EARS2: variants seen among roughly 807,000 people sequenced by gnomAD.
EARS2 encodes the protein glutamyl-tRNA synthetase 2, mitochondrial.
A neutral mutation model predicts 54.1 loss-of-function variants in EARS2; 50 were observed. The ratio of observed to expected loss-of-function variants is 0.92; its 90% confidence interval spans 0.74 to 1.17. EARS2 has a LOEUF of 1.17. Ranked by LOEUF, EARS2 falls within the 50% of genes most tolerant of loss-of-function variation. The pLI, the probability that EARS2 is intolerant of heterozygous loss-of-function variation, is 0.00. For missense variants in EARS2, 673 were observed against 675.0 expected (o/e 1.00, Z 0.03); for synonymous variants, 298 against 281.0 (o/e 1.06, Z -0.61).
At chr16:23,524,539 C>G in intron 8 of EARS2, 85 bp from the exon 9 acceptor site, 1 of 1,172,078 alleles carries the variant, frequency 8.5e-7, no homozygotes. Context: ...AGAAATTATT[C>G]CCAGGCCAGC....
intron 3 of EARS2, among the ~76,000 whole-genome samples, chr16:23,542,138 A>G (rs1025260057): frequency 1.3e-5 from 2 of 150,068 alleles, no homozygotes; most frequent in African/African-American, 4.9e-5. Context: ...GATTACAGGC[A>G]TGAGCCACCA....
rs773151705 is a variant in EARS2, at chr16:23,529,895, A to C, written c.1070T>G (p.Leu357Arg). ...DLEKLPEFNR[L>R]HLQRLVSNES... ...ATTGCTCACCAGCCGCTGGAGGTGC[A>C]GTCTGCGGAAGAAATCAAGGGGCTG... The change falls in exon 6 of 9, where the codon CTG (leucine) becomes CGG (arginine). Residue 357 changes from leucine (L) to arginine (R), a missense_variant and splice_region_variant. Transcript: ENST00000449606. 5.6e-6 allele frequency: 9 copies of C among 1,614,076 alleles called. No individual in the cohort carries two copies. Among genetic ancestry groups the C allele is most frequent in the Non-Finnish European group, 7.6e-6 (9 of 1,180,002 alleles).
In EARS2 at chr16:23,525,934, G is replaced by A. The variant is rs1414034472; in HGVS notation, c.1353-555C>T. ...AATTGCTTGAACCTGGGAGGAGGAGGTTGCAGTGAGCCGAGATTGCACCAT... is the reference window on the plus strand; with the variant it reads ...AATTGCTTGAACCTGGGAGGAGGAGATTGCAGTGAGCCGAGATTGCACCAT... On this transcript the variant is annotated intron_variant, in intron 7 of 8. Transcript: ENST00000449606. Among the ~76,000 whole-genome samples, 5 of 150,708 alleles carry A rather than the reference G, an allele frequency of 3.3e-5. No homozygotes were observed. In the East Asian group the frequency reaches 8.0e-4, roughly 24 times the overall value.
chr16:23,526,101 A>T (rs1422415392), intron 7 of EARS2, among the ~76,000 whole-genome samples: 1 of 141,060 alleles, frequency 7.1e-6, no homozygotes, highest in African/African-American at 2.6e-5. Context: ...AAATACTCAG[A>T]AATATTACCT....
chr16:23,551,974 G>A (rs1280124513), intron 2 of EARS2, among the ~76,000 whole-genome samples, 175 bp downstream of exon 2: 1 of 152,148 alleles, frequency 6.6e-6, no homozygotes, highest in Non-Finnish European at 1.5e-5. Context: ...GTGTTTCAGA[G>A]AGCTTCGGCA....
chr16:23,545,566 C>A (rs1232458227), intron 2 of EARS2, among the ~76,000 whole-genome samples: 1 of 152,176 alleles, frequency 6.6e-6, no homozygotes, highest in African/African-American at 2.4e-5. Flanking sequence ...TGCTTTGTCA[C>A]CTGGCCGAGT....
intron 7 of EARS2, among the ~76,000 whole-genome samples, chr16:23,528,971 G>A (rs1331579572): frequency 2.0e-5 from 3 of 152,214 alleles, no homozygotes; most frequent in Non-Finnish European, 4.4e-5. Flanking sequence ...CGGCGAGTAG[G>A]GGCAGAAGGG....
At chr16:23,534,288 G>C (rs1161608423) in intron 4 of EARS2, among the ~76,000 whole-genome samples, 1 of 152,198 alleles carries the variant, frequency 6.6e-6, no homozygotes, top group African/African-American at 2.4e-5. Flanking sequence ...AATGAAATGA[G>C]ACCAGCAGGC....
At chr16:23,536,682 CTTTTTT>C (rs953231916) in intron 3 of EARS2, among the ~76,000 whole-genome samples, 21 of 113,488 alleles carry the variant, frequency 1.9e-4, no homozygotes, top group Non-Finnish European at 4.0e-4. Flanking sequence ...CTTTTTTTTT[CTTTTTT>C]TTTTTTTTTT....
At position 23,523,334 on chromosome 16, in the gene EARS2, G is replaced by A. The variant is rs1965171098; in HGVS notation, c.*1037C>T. On this transcript the variant is annotated 3_prime_UTR_variant, in exon 9 of 9. Coordinates refer to ENST00000449606, the MANE Select transcript of EARS2 (RefSeq NM_001083614.2). ...GCAGAGATGATGACTTATAAGTCAT[G>A]GAGGAAGGACGAGGTGGATTTGAAG... 6.6e-6 allele frequency: 1 copy of A among 152,190 alleles called. No individual in the cohort carries two copies. Among genetic ancestry groups the A allele is most frequent in the South Asian group, 2.1e-4 (1 of 4,830 alleles). The allele number at this position is 152,190 out of a possible 1,614,324, so 9.4% of individuals were successfully genotyped here.
At chr16:23,532,502 T>C in intron 5 of EARS2, 155 bp downstream of exon 5, 1 of 554,756 alleles carries the variant, frequency 1.8e-6, no homozygotes, top group Non-Finnish European at 3.3e-6. Flanking sequence ...TTAATCCCAT[T>C]TTAGAGAAGA....
At chr16:23,526,604 C>T (rs11074566) in intron 7 of EARS2, among the ~76,000 whole-genome samples, 149,593 of 152,290 alleles carry the variant, frequency 0.98, 73,478 homozygotes, top group East Asian at 1. Context: ...ATCTGAAATA[C>T]AGCTTTAAGA....
chr16:23,540,725 C>T (rs1965498168), intron 3 of EARS2, among the ~76,000 whole-genome samples: 1 of 151,878 alleles, frequency 6.6e-6, no homozygotes, highest in African/African-American at 2.4e-5. Flanking sequence ...ATTGCCTGAG[C>T]TCGTCCTAGC....
chr16:23,527,287 A>C (rs778185412), intron 7 of EARS2, among the ~76,000 whole-genome samples: 1 of 152,104 alleles, frequency 6.6e-6, no homozygotes, highest in Non-Finnish European at 1.5e-5. Flanking sequence ...ATTACTGGAG[A>C]TTCCAACATG....
intron 3 of EARS2, 41 bp downstream of exon 3, chr16:23,544,473 C>T (rs1286723660): frequency 6.3e-7 from 1 of 1,585,898 alleles, no homozygotes; most frequent in East Asian, 2.2e-5. Context: ...ACAAACACAC[C>T]CAATGTTGAT....
chr16:23,541,837 G>A (rs1445066392), intron 3 of EARS2, among the ~76,000 whole-genome samples: 3 of 151,406 alleles, frequency 2.0e-5, no homozygotes, highest in Non-Finnish European at 4.4e-5. Flanking sequence ...AGGATTACAG[G>A]CGTGCACCAC....
intron 3 of EARS2, among the ~76,000 whole-genome samples, chr16:23,543,438 AC>A (rs200690367): frequency 4.3e-4 from 63 of 148,102 alleles, no homozygotes; most frequent in Admixed American, 7.5e-4. Flanking sequence ...AACAACAACA[AC>A]AAAAAAAAAA....
intron 5 of EARS2, among the ~76,000 whole-genome samples, chr16:23,530,496 C>T (rs914999438): frequency 6.6e-6 from 1 of 152,148 alleles, no homozygotes; most frequent in South Asian, 2.1e-4. Flanking sequence ...CTGTGTCACC[C>T]AGGCTGGAGT....
intron 7 of EARS2, 101 bp downstream of exon 7, chr16:23,529,401 G>A: frequency 6.9e-7 from 1 of 1,459,008 alleles, no homozygotes; most frequent in Non-Finnish European, 9.2e-7. Context: ...CCATGGAGTT[G>A]TGCTGGGGCC....
Sources: allele counts gnomAD v4.1 joint callset (sites outside exome capture counted in the v4.1 genomes callset), GRCh38; gene constraint gnomAD v4.1.1; transcripts MANE v1.5; gene names NCBI Gene and HGNC (gene_info 2026-07-23, HGNC 2026-07-21).